CADPS: variants seen among roughly 807,000 people sequenced by gnomAD.
CADPS encodes the protein calcium dependent secretion activator, also known as calcium-dependent secretion activator 1.
CADPS carries 57 observed loss-of-function variants against 167.3 expected under a neutral mutation model. That is an observed-to-expected ratio of 0.34 (90% CI 0.28 to 0.42). CADPS has a LOEUF of 0.42. Among genes scored for constraint, CADPS ranks in the 20% least tolerant of loss-of-function variants. The pLI is 1.00. For synonymous variants in CADPS, 676 were observed against 635.3 expected (o/e 1.06, Z -0.96); for missense variants, 1,414 against 1,738.1 (o/e 0.81, Z 3.32).
At chr3:62,511,511 A>G (rs908618369) in intron 17 of CADPS, among the ~76,000 whole-genome samples, 9 of 152,130 alleles carry the variant, frequency 5.9e-5, no homozygotes, top group African/African-American at 2.2e-4. Context: ...TTAGAATCAT[A>G]CCTGGAACAT....
At chr3:62,532,711 T>C (rs2073947679) in intron 13 of CADPS, among the ~76,000 whole-genome samples, 160 bp downstream of exon 13, 1 of 105,006 alleles carries the variant, frequency 9.5e-6, no homozygotes, top group Non-Finnish European at 1.9e-5. Context: ...AGAAAGTTAG[T>C]GCCCTTTGTG....
At chr3:62,587,735 C>T (rs2148670720) in intron 7 of CADPS, among the ~76,000 whole-genome samples, 1 of 152,326 alleles carries the variant, frequency 6.6e-6, no homozygotes, top group Admixed American at 6.5e-5. Flanking sequence ...ATAGCCGCAG[C>T]TCATTACCGG....
chr3:62,596,845 T>C (rs2059011898), intron 6 of CADPS, among the ~76,000 whole-genome samples: 1 of 152,180 alleles, frequency 6.6e-6, no homozygotes, highest in East Asian at 1.9e-4. Context: ...GCTATTATCA[T>C]TGCCATTTCA....
At chr3:62,713,533 A>T (rs1344220768) in intron 3 of CADPS, among the ~76,000 whole-genome samples, 1 of 152,234 alleles carries the variant, frequency 6.6e-6, no homozygotes, top group Non-Finnish European at 1.5e-5. Context: ...CACGTAATTA[A>T]AAGTAGGTGT....
chr3:62,605,118 CAA>C (rs1409482411), intron 6 of CADPS, among the ~76,000 whole-genome samples: 1 of 152,202 alleles, frequency 6.6e-6, no homozygotes, highest in Non-Finnish European at 1.5e-5. Flanking sequence ...CAAAAGTTTA[CAA>C]AACCTACACT....
intron 5 of CADPS, among the ~76,000 whole-genome samples, chr3:62,650,275 G>C (rs1349239146): frequency 3.3e-5 from 5 of 152,110 alleles, no homozygotes; most frequent in Admixed American, 1.3e-4. Context: ...TTCTGACATA[G>C]GTAGATCAGA....
intron 3 of CADPS, among the ~76,000 whole-genome samples, chr3:62,667,966 C>A (rs1020925297): frequency 6.6e-6 from 1 of 152,122 alleles, no homozygotes; most frequent in East Asian, 1.9e-4. Context: ...GGAGAATTGG[C>A]CTTGACAGTG....
At chr3:62,636,358 C>T (rs1357084687) in intron 6 of CADPS, among the ~76,000 whole-genome samples, 2 of 152,164 alleles carry the variant, frequency 1.3e-5, no homozygotes, top group African/African-American at 4.8e-5. Context: ...TGAAATGTTT[C>T]CACCCAGACT....
At position 62,584,161 on chromosome 3, in the gene CADPS, T is replaced by G. The variant is rs912038488; in HGVS notation, c.1577+1024A>C. 9.2e-5 allele frequency among the ~76,000 whole-genome samples: 14 copies of G among 152,138 alleles called. No individual in the cohort carries two copies. In the South Asian group the frequency reaches 2.3e-3, roughly 25 times the overall value. On this transcript the variant is annotated intron_variant, in intron 8 of 29. Transcript: ENST00000383710. ...CTAGGATTACAGGTGCCCACCACCA[T>G]GCCCAGCTAATTTTTTTGTATTTTT...
intron 4 of CADPS, among the ~76,000 whole-genome samples, chr3:62,655,731 G>A: frequency 6.6e-6 from 1 of 152,102 alleles, no homozygotes; most frequent in Admixed American, 6.5e-5. Flanking sequence ...ATCAGAAGGA[G>A]GAATGTGACA....
chr3:62,694,884 C>T (rs776404134), intron 3 of CADPS, among the ~76,000 whole-genome samples: 1 of 152,004 alleles, frequency 6.6e-6, no homozygotes, highest in Non-Finnish European at 1.5e-5. Context: ...GAAGTAGATG[C>T]CATCAATCAG....
chr3:62,786,346 T>A (rs2092427563), intron 1 of CADPS, among the ~76,000 whole-genome samples: 1 of 152,056 alleles, frequency 6.6e-6, no homozygotes, highest in African/African-American at 2.4e-5. Flanking sequence ...TGTGAGGATG[T>A]ACCCATATAT....
At chr3:62,710,815 A>G (rs1402030248) in intron 3 of CADPS, among the ~76,000 whole-genome samples, 1 of 152,188 alleles carries the variant, frequency 6.6e-6, no homozygotes, top group Non-Finnish European at 1.5e-5. Context: ...TAATTAAATT[A>G]ATTATCAGAG....
intron 6 of CADPS, among the ~76,000 whole-genome samples, chr3:62,619,780 T>C (rs1447702941): frequency 6.6e-6 from 1 of 152,176 alleles, no homozygotes; most frequent in Non-Finnish European, 1.5e-5. Context: ...GTTTTTGAAG[T>C]GTTACAGTTT....
At chr3:62,821,685 C>G (rs2094927271) in intron 1 of CADPS, among the ~76,000 whole-genome samples, 1 of 152,178 alleles carries the variant, frequency 6.6e-6, no homozygotes, top group African/African-American at 2.4e-5. Flanking sequence ...CTCATCTTAA[C>G]TTGATTAACT....
At chr3:62,444,873 C>T (rs375916318) in intron 27 of CADPS, among the ~76,000 whole-genome samples, 79 of 152,192 alleles carry the variant, frequency 5.2e-4, no homozygotes, top group African/African-American at 1.4e-3. Flanking sequence ...TACTTAACCA[C>T]GTTCAGAATG....
In CADPS at chr3:62,478,404, G is replaced by T. The variant is rs917840211; in HGVS notation, c.3186C>A (p.Gly1062=). The T allele has an allele frequency of 5.6e-6, 9 of 1,613,496 alleles. No individual in the cohort carries two copies. In the African/African-American group the frequency reaches 8.0e-5, roughly 14 times the overall value. ...AAIYDADNGS[G]TSEDLFWKLD... ...GTTTCCAAAACAGATCTTCTGAGGTGCCTGACCCATTACTGGCAGGACAAA... is the reference window on the plus strand; with the variant it reads ...GTTTCCAAAACAGATCTTCTGAGGTTCCTGACCCATTACTGGCAGGACAAA... Residue 1062 remains glycine, a synonymous_variant, in exon 23 of 30, where the codon GGC becomes GGA. Coordinates refer to ENST00000383710, the MANE Select transcript of CADPS (RefSeq NM_003716.4). This position sits in a 1 kb window ranked among gnomAD's most constrained non-coding sequence, Gnocchi z 5.7.
intron 9 of CADPS, among the ~76,000 whole-genome samples, chr3:62,557,937 C>T (rs1466907287): frequency 6.6e-6 from 1 of 152,186 alleles, no homozygotes; most frequent in Non-Finnish European, 1.5e-5. Context: ...GTGACTGTGG[C>T]CTTGGCTGAG....
At chr3:62,447,733 A>G (rs13319278) in intron 26 of CADPS, among the ~76,000 whole-genome samples, 45,948 of 152,052 alleles carry the variant, frequency 0.3, 7,201 homozygotes, top group Middle Eastern at 0.45. Context: ...CTGGTGGGTA[A>G]AGGAGAATAC....
Sources: allele counts gnomAD v4.1 joint callset (sites outside exome capture counted in the v4.1 genomes callset), GRCh38; gene constraint gnomAD v4.1.1; non-coding constraint Gnocchi (gnomAD v3.1); transcripts MANE v1.5; gene names NCBI Gene and HGNC (gene_info 2026-07-23, HGNC 2026-07-21).